Variants in FRZB observed in about 807,000 individuals in gnomAD.
The protein encoded by FRZB is secreted frizzled-related protein 3.
FRZB carries 34 observed loss-of-function variants against 32.5 expected under a neutral mutation model. The observed-to-expected ratio is 1.05, with a 90% CI of 0.80 to 1.39. The LOEUF (loss-of-function observed/expected upper bound fraction) is 1.39. Ranked by LOEUF, FRZB falls within the 40% of genes most tolerant of loss-of-function variation. FRZB has a pLI of 0.00. For synonymous variants in FRZB, 170 were observed against 159.2 expected, an observed-to-expected ratio of 1.07 and a Z score of -0.51; for missense variants, 423 against 424.8, an observed-to-expected ratio of 1.00 and a Z score of 0.04.
chr2:182,855,603 C>T (rs968805851), intron 2 of FRZB, among the ~76,000 whole-genome samples: 2 of 151,866 alleles, frequency 1.3e-5, no homozygotes, highest in African/African-American at 4.8e-5. Flanking sequence ...CTAATCTAAA[C>T]AAGAGAGAAA....
chr2:182,865,948 G>C, intron 1 of FRZB, 127 bp downstream of exon 1: 1 of 717,006 alleles, frequency 1.4e-6, no homozygotes, highest in Admixed American at 2.8e-5. Flanking sequence ...CTTTGATAGA[G>C]GAGCAGTTAT....
chr2:182,838,470 G>A lies in FRZB; in HGVS notation c.736C>T (p.Pro246Ser), dbSNP rs746054842. ...NLYTSSGCLCPPLNVNEEYII... is the reference protein window; with the variant it reads ...NLYTSSGCLCSPLNVNEEYII... The stretch of plus-strand genomic sequence containing the variant: ...TATTCCTCATTAACATTAAGTGGAG[G>A]GCAGAGGCAGCCAGAGCTGGTATAG... The change falls in exon 4 of 6, where the codon CCT becomes TCT. Residue 246 changes from proline (P) to serine (S), a missense_variant. Coordinates refer to ENST00000295113, the MANE Select transcript of FRZB (RefSeq NM_001463.4). The A allele has an allele frequency of 2.0e-5, 32 of 1,612,876 alleles. No homozygotes were observed. Among genetic ancestry groups the A allele is most frequent in the Non-Finnish European group, 2.7e-5 (32 of 1,179,224 alleles).
At chr2:182,855,964 A>G (rs977566431) in intron 2 of FRZB, among the ~76,000 whole-genome samples, 1 of 152,180 alleles carries the variant, frequency 6.6e-6, no homozygotes, top group South Asian at 2.1e-4. Flanking sequence ...CATGAGAAAC[A>G]TTGAAGCCAG....
Position 182,842,547 on chromosome 2 carries a change from A to G in FRZB, c.527-4T>C. 1 of 1,608,342 alleles carries G rather than the reference A, an allele frequency of 6.2e-7. No individual in the cohort carries two copies. The highest frequency in any genetic ancestry group is 8.5e-7 in the Non-Finnish European group (1 of 1,175,278). ...ATAGGCTTACATTTACAGCGTTCTG[A>G]AAAACACATTTTAGTTATAAGCACA... On this transcript the variant is annotated splice_polypyrimidine_tract_variant and splice_region_variant and intron_variant, in intron 2 of 5. Coordinates refer to ENST00000295113, the MANE Select transcript of FRZB (RefSeq NM_001463.4).
At chr2:182,837,002 A>T (rs1339230852) in intron 5 of FRZB, among the ~76,000 whole-genome samples, 3 of 152,028 alleles carry the variant, frequency 2.0e-5, no homozygotes, top group Admixed American at 6.6e-5. Flanking sequence ...TGTTTAACTT[A>T]CCATGTAAAT....
chr2:182,861,413 G>A (rs1194281441), intron 1 of FRZB, among the ~76,000 whole-genome samples: 1 of 152,244 alleles, frequency 6.6e-6, no homozygotes, highest in African/African-American at 2.4e-5. Flanking sequence ...GAACATAAGT[G>A]TTGGTTGCTT....
At chr2:182,846,242 A>G (rs1310216148) in intron 2 of FRZB, among the ~76,000 whole-genome samples, 1 of 152,202 alleles carries the variant, frequency 6.6e-6, no homozygotes, top group Admixed American at 6.5e-5. Flanking sequence ...TTAATGCAAC[A>G]TTGTTTGAGT....
intron 2 of FRZB, among the ~76,000 whole-genome samples, chr2:182,844,708 C>G (rs1695621919): frequency 6.6e-6 from 1 of 152,082 alleles, no homozygotes; most frequent in South Asian, 2.1e-4. Flanking sequence ...ATAAAACTTT[C>G]CAGGCAGGGA....
At chr2:182,849,960 A>T (rs200107389) in intron 2 of FRZB, among the ~76,000 whole-genome samples, 1 of 152,224 alleles carries the variant, frequency 6.6e-6, no homozygotes, top group Non-Finnish European at 1.5e-5. Flanking sequence ...AGGGGGCTTC[A>T]CAGCCTCTAG....
intron 2 of FRZB, among the ~76,000 whole-genome samples, chr2:182,852,872 G>GAAAAT (rs371523512): frequency 4.6e-5 from 7 of 152,114 alleles, no homozygotes; most frequent in African/African-American, 1.7e-4. Context: ...AAAAGAAAAA[G>GAAAAT]AAAAAATAGT....
intron 1 of FRZB, among the ~76,000 whole-genome samples, chr2:182,862,900 G>C (rs897710773): frequency 1.3e-5 from 2 of 151,914 alleles, no homozygotes; most frequent in Non-Finnish European, 2.9e-5. Context: ...TCCTGGAGTA[G>C]CTGGGACGAC....
intron 3 of FRZB, among the ~76,000 whole-genome samples, chr2:182,841,865 C>T (rs773565165): frequency 6.6e-5 from 10 of 152,158 alleles, no homozygotes; most frequent in Non-Finnish European, 1.3e-4. Context: ...GCAAAAATGG[C>T]AGGCTTTTTA....
intron 2 of FRZB, among the ~76,000 whole-genome samples, chr2:182,846,146 T>C (rs1364978926): frequency 1.3e-5 from 2 of 152,228 alleles, no homozygotes; most frequent in African/African-American, 2.4e-5. Context: ...AGGATACTAG[T>C]ATTTTTGATA....
intron 2 of FRZB, among the ~76,000 whole-genome samples, chr2:182,843,002 T>C (rs1457668405): frequency 1.3e-5 from 2 of 152,170 alleles, no homozygotes; most frequent in African/African-American, 4.8e-5. Flanking sequence ...TATTAGCTCC[T>C]AGATCTGAAA....
chr2:182,864,493 T>A (rs555143378), intron 1 of FRZB, among the ~76,000 whole-genome samples: 1 of 152,334 alleles, frequency 6.6e-6, no homozygotes, highest in South Asian at 2.1e-4. Context: ...TAGCAAAGAT[T>A]AATAGCAAAT....
At chr2:182,861,238 T>G (rs1325923471) in intron 1 of FRZB, among the ~76,000 whole-genome samples, 2 of 152,264 alleles carry the variant, frequency 1.3e-5, no homozygotes, top group Non-Finnish European at 2.9e-5. Context: ...ATTACATTTC[T>G]TAAGGGACAA....
Position 182,844,454 on chromosome 2 carries a change from A to G in FRZB, c.527-1911T>C, listed in dbSNP as rs370109253. 3.5e-4 allele frequency among the ~76,000 whole-genome samples: 53 copies of G among 152,298 alleles called. 2 individuals are homozygous for G. The South Asian group carries it at 8.9e-3, about 26-fold the overall frequency. ...GATGAGAATATTTCTGAAGACGTAAATTTTATGGTATTAGGTTTATAAATT... is the reference window on the plus strand; with the variant it reads ...GATGAGAATATTTCTGAAGACGTAAGTTTTATGGTATTAGGTTTATAAATT... On this transcript the variant is annotated intron_variant, in intron 2 of 5. Coordinates refer to ENST00000295113, the MANE Select transcript of FRZB (RefSeq NM_001463.4).
At chr2:182,853,850 G>T (rs896221854) in intron 2 of FRZB, among the ~76,000 whole-genome samples, 4 of 152,110 alleles carry the variant, frequency 2.6e-5, no homozygotes, top group African/African-American at 9.7e-5. Flanking sequence ...GGTACTCATC[G>T]CAGCTATCAT....
rs1695498194 is a variant in FRZB at position 182,834,217 on chromosome 2, T to C, written c.*632A>G. 1 of 152,318 alleles carries C rather than the reference T, an allele frequency of 6.6e-6. No homozygotes were observed. The highest frequency in any genetic ancestry group is 1.5e-5 in the Non-Finnish European group (1 of 68,132). 9.4% of individuals were successfully genotyped at this position (152,318 alleles called of 1,614,324 possible). On this transcript the variant is annotated 3_prime_UTR_variant, in exon 6 of 6. Transcript: ENST00000295113. ...CTTCTCAATCAGGCAAAATGTTCTTTCTTAAGCTCCTATTTATTTTACTTC... is the reference window on the plus strand; with the variant it reads ...CTTCTCAATCAGGCAAAATGTTCTTCCTTAAGCTCCTATTTATTTTACTTC...
Sources: gnomAD v4.1 joint callset for allele counts (sites outside exome capture counted in the v4.1 genomes callset) on GRCh38, gnomAD v4.1.1 for gene constraint, MANE v1.5 for transcripts, NCBI Gene and HGNC (gene_info 2026-07-23, HGNC 2026-07-21) for gene names.